The following CSMD1 variants were observed in gnomAD, a reference collection of about 807,000 sequenced individuals.
CSMD1 encodes CUB and Sushi multiple domains 1, also known as CUB and sushi domain-containing protein 1.
In CSMD1, 213 loss-of-function variants were observed where a neutral mutation model predicts 417.5. That is an observed-to-expected ratio of 0.51 (90% CI 0.46 to 0.57). The LOEUF (loss-of-function observed/expected upper bound fraction) is 0.57, where lower values mean the gene tolerates loss of function less well. CSMD1 is among the 20% of genes least tolerant of loss of function. CSMD1 has a pLI of 0.00. For missense variants in CSMD1, 6,923 were observed against 4,529.7 expected (o/e 1.53, Z -15.17); for synonymous variants, 2,862 against 1,736.8 (o/e 1.65, Z -16.11).
intron 25 of CSMD1, among the ~76,000 whole-genome samples, chr8:3,307,465 G>A (rs1264380387): frequency 6.6e-6 from 1 of 152,162 alleles, no homozygotes; most frequent in Non-Finnish European, 1.5e-5. Context: ...TGCAGCAGAA[G>A]CTAACTGATA....
intron 15 of CSMD1, among the ~76,000 whole-genome samples, chr8:3,403,994 G>C (rs1340804392): frequency 6.6e-6 from 1 of 152,104 alleles, no homozygotes; most frequent in East Asian, 1.9e-4. Flanking sequence ...GGTGCTTCTT[G>C]TCCACCCACA....
intron 3 of CSMD1, among the ~76,000 whole-genome samples, chr8:4,044,834 C>T (rs1378393016): frequency 6.6e-6 from 1 of 152,222 alleles, no homozygotes; most frequent in Non-Finnish European, 1.5e-5. Flanking sequence ...GAGTAGCACC[C>T]CAGGCTTGTA....
At chr8:4,404,325 T>C (rs1804862494) in intron 3 of CSMD1, among the ~76,000 whole-genome samples, 1 of 152,322 alleles carries the variant, frequency 6.6e-6, no homozygotes, top group Non-Finnish European at 1.5e-5. Flanking sequence ...ATGATGTGGC[T>C]TTCTCCACTG....
At chr8:4,151,997 G>A (rs528274227) in intron 3 of CSMD1, among the ~76,000 whole-genome samples, 1 of 151,930 alleles carries the variant, frequency 6.6e-6, no homozygotes, top group East Asian at 1.9e-4. Flanking sequence ...TTTGCTAGGG[G>A]GTCATTTTAA....
intron 5 of CSMD1, among the ~76,000 whole-genome samples, chr8:3,755,330 C>T (rs539635077): frequency 1.5e-4 from 23 of 152,200 alleles, no homozygotes; most frequent in Admixed American, 2.6e-4. Flanking sequence ...TATCAAGGGT[C>T]GAAAGATGAT....
At chr8:4,934,379 T>C (rs1291216213) in intron 1 of CSMD1, among the ~76,000 whole-genome samples, 4 of 152,252 alleles carry the variant, frequency 2.6e-5, no homozygotes, top group African/African-American at 9.6e-5. Context: ...AATATTGTTT[T>C]ATGAAGCCAT....
rs77741712 is a variant in CSMD1, at chr8:3,209,939, T to C, written c.4868-4319A>G. On this transcript the variant is annotated intron_variant, in intron 30 of 69. Coordinates refer to ENST00000635120, the MANE Select transcript of CSMD1 (RefSeq NM_033225.6). The stretch of plus-strand genomic sequence containing the variant: ...AGCAAACAGAAGTCATTGTGACCCA[T>C]GAAAGGGGCTCAACTTTGCTTCAAT... 3.1e-3 allele frequency among the ~76,000 whole-genome samples: 469 copies of C among 152,242 alleles called. 5 individuals carry two copies. Among genetic ancestry groups the C allele is most frequent in the African/African-American group, 0.011 (438 of 41,534 alleles).
At chr8:4,327,434 C>T (rs527788185) in intron 3 of CSMD1, among the ~76,000 whole-genome samples, 2 of 152,262 alleles carry the variant, frequency 1.3e-5, no homozygotes, top group East Asian at 1.9e-4. Context: ...CACAATCAGT[C>T]GGATTGTTTG....
At chr8:4,201,890 G>A (rs1284583647) in intron 3 of CSMD1, among the ~76,000 whole-genome samples, 4 of 148,210 alleles carry the variant, frequency 2.7e-5, no homozygotes, top group East Asian at 2.1e-4. Flanking sequence ...GAAATTTTGG[G>A]GGGGGGGGGC....
At chr8:4,256,775 G>C (rs905331717) in intron 3 of CSMD1, among the ~76,000 whole-genome samples, 1 of 152,164 alleles carries the variant, frequency 6.6e-6, no homozygotes, top group Non-Finnish European at 1.5e-5. Context: ...CTCTCAAGCA[G>C]CTTGCAACAG....
chr8:3,750,779 G>A (rs1288724184), intron 6 of CSMD1, among the ~76,000 whole-genome samples: 1 of 152,150 alleles, frequency 6.6e-6, no homozygotes, highest in African/African-American at 2.4e-5. Context: ...TCTGAGAAGG[G>A]CCCATCTCAT....
chr8:4,209,138 T>A (rs1800154078), intron 3 of CSMD1, among the ~76,000 whole-genome samples: 1 of 152,202 alleles, frequency 6.6e-6, no homozygotes, highest in Non-Finnish European at 1.5e-5. Context: ...ATGATTTCTA[T>A]CTAAAACCAA....
At chr8:3,311,418 T>C (rs186497520) in intron 23 of CSMD1, among the ~76,000 whole-genome samples, 80 of 152,130 alleles carry the variant, frequency 5.3e-4, no homozygotes, top group Middle Eastern at 3.4e-3. Flanking sequence ...CCCAGCTAAT[T>C]TTTGTATTTT....
chr8:3,971,016 A>T (rs571667640), intron 5 of CSMD1, among the ~76,000 whole-genome samples: 9 of 152,136 alleles, frequency 5.9e-5, no homozygotes, highest in Non-Finnish European at 1.2e-4. Context: ...CTCCCAAAGT[A>T]CTGGGATTTT....
At chr8:3,574,899 A>C in intron 10 of CSMD1, 46 bp downstream of exon 10, 1 of 1,600,982 alleles carries the variant, frequency 6.2e-7, no homozygotes, top group South Asian at 1.1e-5. Flanking sequence ...AGATCCTATA[A>C]GAGTGCTGTG....
In CSMD1 at chr8:3,087,081, A is replaced by G. The variant is rs1180857910; in HGVS notation, c.7474+16T>C. 2 of 1,608,740 alleles carry G rather than the reference A, an allele frequency of 1.2e-6. No individual in the cohort carries two copies. The highest frequency in any genetic ancestry group is 1.1e-5 in the South Asian group (1 of 90,948). Reference sequence around the variant, plus strand: ...TACACAGGAAACAAGGCTGGGGATGAAAACGCATTTCTTACCCTGGCAGAG... The same window carrying G: ...TACACAGGAAACAAGGCTGGGGATGGAAACGCATTTCTTACCCTGGCAGAG... On this transcript the variant is annotated intron_variant, in intron 49 of 69. Coordinates refer to ENST00000635120, the MANE Select transcript of CSMD1 (RefSeq NM_033225.6).
intron 3 of CSMD1, among the ~76,000 whole-genome samples, chr8:4,283,197 A>G (rs1025782999): frequency 6.6e-6 from 1 of 152,216 alleles, no homozygotes; most frequent in Non-Finnish European, 1.5e-5. Flanking sequence ...TAAAAATTAT[A>G]TATGAATATG....
intron 3 of CSMD1, among the ~76,000 whole-genome samples, chr8:4,382,690 G>T (rs545901245): frequency 6.6e-6 from 1 of 152,210 alleles, no homozygotes; most frequent in South Asian, 2.1e-4. Flanking sequence ...TGTAAATTAA[G>T]ATACATTTGA....
intron 1 of CSMD1, among the ~76,000 whole-genome samples, chr8:4,761,528 T>C (rs1341559309): frequency 6.6e-6 from 1 of 152,134 alleles, no homozygotes; most frequent in African/African-American, 2.4e-5. Context: ...AAATTGTATA[T>C]GTACTTGGGC....
Sources: allele counts gnomAD v4.1 joint callset (sites outside exome capture counted in the v4.1 genomes callset), GRCh38; gene constraint gnomAD v4.1.1; transcripts MANE v1.5; gene names NCBI Gene and HGNC (gene_info 2026-07-23, HGNC 2026-07-21).